CNIH3: variants seen among roughly 807,000 people sequenced by gnomAD.
CNIH3 encodes the protein protein cornichon homolog 3.
A neutral mutation model predicts 24.1 loss-of-function variants in CNIH3; 14 were observed. The ratio of observed to expected loss-of-function variants is 0.58; its 90% CI spans 0.38 to 0.91. The LOEUF (loss-of-function observed/expected upper bound fraction) is 0.91, where lower values mean the gene tolerates loss of function less well. Among genes scored for constraint, CNIH3 ranks in the 40% least tolerant of loss-of-function variants. The probability of loss-of-function intolerance (pLI) is 0.00; values close to 1 mark genes in which losing one functional copy is unlikely to be tolerated. For missense variants in CNIH3, 178 were observed against 196.8 expected, an observed-to-expected ratio of 0.90 and a Z score of 0.57; for synonymous variants, 68 against 73.8, an observed-to-expected ratio of 0.92 and a Z score of 0.40.
intron 3 of CNIH3, among the ~76,000 whole-genome samples, chr1:224,710,690 G>T (rs1688091425): frequency 6.6e-6 from 1 of 152,174 alleles, no homozygotes; most frequent in Non-Finnish European, 1.5e-5. Flanking sequence ...GCTGGGAAGA[G>T]AGATGCATAA....
chr1:224,498,995 G>A (rs1296360890), intron 1 of CNIH3, among the ~76,000 whole-genome samples: 1 of 152,232 alleles, frequency 6.6e-6, no homozygotes, highest in African/African-American at 2.4e-5. Flanking sequence ...GCTCCCCAGA[G>A]GGCTGGGAAC....
intron 1 of CNIH3, among the ~76,000 whole-genome samples, chr1:224,631,975 C>T (rs1001597188): frequency 6.6e-6 from 1 of 152,084 alleles, no homozygotes; most frequent in South Asian, 2.1e-4. Flanking sequence ...GTTCTGTGAA[C>T]GTTTTTAAGA....
chr1:224,635,980 C>T (rs540780464), intron 1 of CNIH3, among the ~76,000 whole-genome samples: 1 of 152,210 alleles, frequency 6.6e-6, no homozygotes, highest in South Asian at 2.1e-4. Context: ...TCCCAAAGCA[C>T]TGGGATTACT....
intron 1 of CNIH3, among the ~76,000 whole-genome samples, chr1:224,448,429 G>T (rs921201104): frequency 2.6e-5 from 4 of 152,160 alleles, no homozygotes; most frequent in African/African-American, 4.8e-5. Flanking sequence ...AAGAAAAATG[G>T]AACAGGGGAG....
At chr1:224,446,212 G>GTTTTTTTTTTTTTTTTTTTTTTT (rs35812016) in intron 1 of CNIH3, among the ~76,000 whole-genome samples, 4 of 108,876 alleles carry the variant, frequency 3.7e-5, no homozygotes, top group Admixed American at 9.8e-5. Flanking sequence ...TTTCAACTTT[G>GTTTTTTTTTTTTTTTTTTTTTTT]TTTTTTTTTT....
intron 1 of CNIH3, among the ~76,000 whole-genome samples, chr1:224,486,974 C>T (rs556157033): frequency 4.6e-5 from 7 of 152,278 alleles, no homozygotes; most frequent in South Asian, 4.1e-4. Context: ...ACGAAAGTCA[C>T]GTAAAGAGCC....
chr1:224,660,197 G>A (rs538294744), intron 1 of CNIH3, among the ~76,000 whole-genome samples: 4 of 152,180 alleles, frequency 2.6e-5, no homozygotes, highest in Non-Finnish European at 5.9e-5. Flanking sequence ...ACAGTTCCAC[G>A]TGGCTGGGGA....
At chr1:224,680,656 G>A (rs1477660038) in intron 1 of CNIH3, among the ~76,000 whole-genome samples, 4 of 152,088 alleles carry the variant, frequency 2.6e-5, no homozygotes, top group African/African-American at 7.2e-5. Flanking sequence ...TAATTTTTTT[G>A]TGCTTTTATC....
chr1:224,518,837 G>A (rs1259584120), intron 1 of CNIH3, among the ~76,000 whole-genome samples: 2 of 152,190 alleles, frequency 1.3e-5, no homozygotes, highest in Non-Finnish European at 2.9e-5. Context: ...TTTGGATTTC[G>A]AGTTTAGTCC....
rs1558313490 is a variant in CNIH3, at chr1:224,704,941, C to A, written c.198+20098C>A. 6.6e-6 allele frequency among the ~76,000 whole-genome samples: 1 copy of A among 152,162 alleles called. No homozygotes were observed. The highest frequency in any genetic ancestry group is 1.9e-4 in the East Asian group (1 of 5,174). On this transcript the variant is annotated intron_variant, in intron 3 of 5. Coordinates refer to ENST00000272133, the MANE Select transcript of CNIH3 (RefSeq NM_152495.2). This position sits in a 1 kb window ranked among gnomAD's most constrained non-coding sequence, Gnocchi z 4.2. Reference sequence around the variant, plus strand: ...CCTGACCAATGTGATGAAACCCCGTCTCTAGTAAAAAATACAAAAATTAGC... The same window carrying A: ...CCTGACCAATGTGATGAAACCCCGTATCTAGTAAAAAATACAAAAATTAGC...
At chr1:224,525,587 G>A (rs1423024764) in intron 2 of CNIH3, among the ~76,000 whole-genome samples, 21 of 152,222 alleles carry the variant, frequency 1.4e-4, no homozygotes, top group Admixed American at 1.4e-3. Context: ...TGTAACAGCA[G>A]TGTGTTCTAC....
At chr1:224,686,896 A>G (rs1040798374) in intron 3 of CNIH3, among the ~76,000 whole-genome samples, 4 of 152,190 alleles carry the variant, frequency 2.6e-5, no homozygotes, top group African/African-American at 7.2e-5. Context: ...AAGTTCCTAT[A>G]AACAATAAAC....
At chr1:224,476,639 C>A (rs1194667660) in intron 1 of CNIH3, among the ~76,000 whole-genome samples, 1 of 152,002 alleles carries the variant, frequency 6.6e-6, no homozygotes, top group Admixed American at 6.6e-5. Context: ...AACACTGATG[C>A]AAGAAACTGA....
chr1:224,483,513 TG>T (rs1181992239), intron 1 of CNIH3, among the ~76,000 whole-genome samples: 1 of 151,962 alleles, frequency 6.6e-6, no homozygotes, highest in Non-Finnish European at 1.5e-5. Context: ...CTCGGCCTCC[TG>T]AGTAGCTGGG....
chr1:224,515,692 A>T (rs1377444508), upstream of CNIH3: 1 of 152,212 alleles, frequency 6.6e-6, no homozygotes, highest in Non-Finnish European at 1.5e-5. Flanking sequence ...GGATAGTTAA[A>T]CATGGGATCC....
intron 2 of CNIH3, among the ~76,000 whole-genome samples, chr1:224,534,101 G>A (rs1231480567): frequency 2.0e-5 from 3 of 152,170 alleles, no homozygotes; most frequent in African/African-American, 7.2e-5. Context: ...GGAGGTTGAG[G>A]CTTCAGTGAG....
intron 1 of CNIH3, among the ~76,000 whole-genome samples, chr1:224,442,677 C>T (rs1040909453): frequency 6.6e-6 from 1 of 152,186 alleles, no homozygotes; most frequent in African/African-American, 2.4e-5. Context: ...TTCCCATCAA[C>T]CTTATGAAGG....
chr1:224,722,213 GT>G (rs1558334766), intron 3 of CNIH3, among the ~76,000 whole-genome samples: 3 of 152,140 alleles, frequency 2.0e-5, no homozygotes. Context: ...CATATTCCAG[GT>G]GTTATGGCCC....
intron 3 of CNIH3, among the ~76,000 whole-genome samples, chr1:224,691,519 A>G (rs1439109681): frequency 6.6e-6 from 1 of 152,192 alleles, no homozygotes. Flanking sequence ...TGGTTCAAGG[A>G]GGATGAGAGG....
Sources: gnomAD v4.1 joint callset for allele counts (sites outside exome capture counted in the v4.1 genomes callset) on GRCh38, gnomAD v4.1.1 for gene constraint, Gnocchi (gnomAD v3.1) non-coding constraint, MANE v1.5 for transcripts, NCBI Gene and HGNC (gene_info 2026-07-23, HGNC 2026-07-21) for gene names.